The following RAPGEF4 variants were observed in gnomAD, a reference collection of about 807,000 sequenced individuals.
The protein encoded by RAPGEF4 is RAP guanine-nucleotide-exchange factor (GEF) 4.
In RAPGEF4, 66 loss-of-function variants were observed where a neutral mutation model predicts 147.9. The observed-to-expected ratio is 0.45, with a 90% confidence interval of 0.37 to 0.55. RAPGEF4 has a LOEUF of 0.55. Among genes scored for constraint, RAPGEF4 ranks in the 20% least tolerant of loss-of-function variants. RAPGEF4 has a pLI of 0.00. For synonymous variants in RAPGEF4, 419 were observed against 442.7 expected, an observed-to-expected ratio of 0.95 and a Z score of 0.67; for missense variants, 1,071 against 1,257.3, an observed-to-expected ratio of 0.85 and a Z score of 2.24.
chr2:172,937,037 C>CAAAAAAA (rs34104170), intron 6 of RAPGEF4, among the ~76,000 whole-genome samples: 7 of 52,582 alleles, frequency 1.3e-4, no homozygotes, highest in Admixed American at 3.4e-4. Flanking sequence ...CCTCTCTCTG[C>CAAAAAAA]AAAAAAAAAA....
chr2:172,787,939 A>T (rs1685388839), intron 1 of RAPGEF4, among the ~76,000 whole-genome samples: 2 of 152,266 alleles, frequency 1.3e-5, no homozygotes, highest in Middle Eastern at 3.4e-3. Context: ...ACGTTAGACT[A>T]GGTGGCTTAT....
At chr2:172,918,107 T>C (rs530479133) in intron 5 of RAPGEF4, 108 of 682,114 alleles carry the variant, frequency 1.6e-4, no homozygotes, top group Non-Finnish European at 2.6e-4. Flanking sequence ...AGCTGGAACT[T>C]TGGCATGCAT....
intron 4 of RAPGEF4, among the ~76,000 whole-genome samples, chr2:172,887,824 G>T (rs1697420090): frequency 6.6e-6 from 1 of 152,024 alleles, no homozygotes; most frequent in African/African-American, 2.4e-5. Context: ...TTCCTACTTA[G>T]AAACTTCTGC....
intron 4 of RAPGEF4, among the ~76,000 whole-genome samples, chr2:172,815,750 G>C (rs78360108): frequency 0.058 from 8,791 of 152,178 alleles, 338 homozygotes; most frequent in Non-Finnish European, 0.087. Flanking sequence ...TACTCAAATT[G>C]CTGAGAGAGG....
chr2:173,030,170 G>A lies in RAPGEF4; in HGVS notation c.2565G>A (p.Lys855=), dbSNP rs369654300. 112 of 1,609,244 alleles carry A rather than the reference G, an allele frequency of 7.0e-5. No individual in the cohort carries two copies. Among genetic ancestry groups the A allele is most frequent in the African/African-American group, 4.7e-4 (35 of 74,814 alleles). Residue 855 remains lysine (K), a synonymous_variant, in exon 26 of 31, where the codon AAG becomes AAA. Transcript: ENST00000397081. Reference sequence around the variant, plus strand: ...CGCATCTCCTGTGTTTCAGCTGTAAGGAGTATAAAAATCTGAATTCCTTTT... The same window carrying A: ...CGCATCTCCTGTGTTTCAGCTGTAAAGAGTATAAAAATCTGAATTCCTTTT... The part of the protein sequence containing the change: ...KKFIKIAAHC[K]EYKNLNSFFA...
At chr2:172,923,241 A>G (rs1471781478) in intron 6 of RAPGEF4, among the ~76,000 whole-genome samples, 2 of 152,092 alleles carry the variant, frequency 1.3e-5, no homozygotes, top group Admixed American at 1.3e-4. Flanking sequence ...CTGCTATAGG[A>G]CTACAAACTT....
chr2:172,813,696 A>G (rs1688234056), intron 3 of RAPGEF4, among the ~76,000 whole-genome samples: 1 of 151,974 alleles, frequency 6.6e-6, no homozygotes, highest in Non-Finnish European at 1.5e-5. Context: ...AAAAAAAAAA[A>G]CTGAGCTCAG....
At chr2:172,751,798 C>A (rs1695318121) in intron 1 of RAPGEF4, among the ~76,000 whole-genome samples, 1 of 152,150 alleles carries the variant, frequency 6.6e-6, no homozygotes, top group African/African-American at 2.4e-5. Context: ...TGAATCAATG[C>A]GGCACTGCCC....
intron 4 of RAPGEF4, among the ~76,000 whole-genome samples, chr2:172,843,108 G>A (rs1381923634): frequency 6.6e-6 from 1 of 152,144 alleles, no homozygotes; most frequent in Non-Finnish European, 1.5e-5. Flanking sequence ...GATCGTTGGA[G>A]GTGGTGTCAT....
At chr2:172,761,038 A>C (rs1696268439) in intron 1 of RAPGEF4, among the ~76,000 whole-genome samples, 2 of 151,884 alleles carry the variant, frequency 1.3e-5, no homozygotes. Context: ...AAAAACAATG[A>C]GAATGACAGG....
At chr2:172,826,376 T>G (rs1455561422) in intron 4 of RAPGEF4, among the ~76,000 whole-genome samples, 1 of 152,248 alleles carries the variant, frequency 6.6e-6, no homozygotes, top group Admixed American at 6.5e-5. Flanking sequence ...TGAAACAGTT[T>G]TTCATTTTTA....
At chr2:172,988,062 T>G (rs1330126470) in intron 12 of RAPGEF4, 134 bp from the exon 13 acceptor site, 3 of 1,320,240 alleles carry the variant, frequency 2.3e-6, no homozygotes, top group Non-Finnish European at 2.9e-6. Context: ...AACAAGTTAA[T>G]ATTTGCCAGT....
chr2:172,831,027 CCTCTT>C (rs1387524670), intron 4 of RAPGEF4, among the ~76,000 whole-genome samples: 3 of 151,990 alleles, frequency 2.0e-5, no homozygotes, highest in African/African-American at 4.8e-5. Flanking sequence ...ACATTTGACT[CCTCTT>C]CTCAACCTCC....
chr2:172,828,328 A>T (rs1380848691), intron 4 of RAPGEF4, among the ~76,000 whole-genome samples: 1 of 152,182 alleles, frequency 6.6e-6, no homozygotes, highest in Non-Finnish European at 1.5e-5. Flanking sequence ...AGACCCAGGC[A>T]AAGTATACAA....
intron 4 of RAPGEF4, among the ~76,000 whole-genome samples, chr2:172,841,675 C>G (rs1691611111): frequency 6.6e-6 from 1 of 152,034 alleles, no homozygotes. Context: ...TGAGTAATTA[C>G]AAGATTATAG....
chr2:172,990,820 C>T lies in RAPGEF4; in HGVS notation c.1385C>T (p.Ala462Val), dbSNP rs1232697175. ...AATTTGTATTTGCAGGACGTGGAGG[C>T]GAATACAGTCAGACTTAAAGAACAT... ...DFNRILRDVE[A>V]NTVRLKEHDQ... The change falls in exon 15 of 31, where the codon GCG (alanine) becomes GTG (valine). Residue 462 changes from alanine (A) to valine (V), a missense_variant. Ala to Val is a moderately conservative substitution (Grantham distance 64). Transcript: ENST00000397081. 1.3e-5 allele frequency: 21 copies of T among 1,613,182 alleles called. No homozygotes were observed. The highest frequency in any genetic ancestry group is 1.7e-5 in the Admixed American group (1 of 59,950).
intron 4 of RAPGEF4, among the ~76,000 whole-genome samples, chr2:172,826,482 G>A (rs1393400556): frequency 1.3e-5 from 2 of 152,166 alleles, no homozygotes; most frequent in African/African-American, 2.4e-5. Flanking sequence ...ATTGCCAAAT[G>A]CAAATATTCT....
In RAPGEF4 at chr2:172,996,498, T is replaced by A. The variant is rs755235277; in HGVS notation, c.1523T>A (p.Ile508Asn). 1 of 1,582,546 alleles carries A rather than the reference T, an allele frequency of 6.3e-7. No individual in the cohort carries two copies. Among genetic ancestry groups the A allele is most frequent in the Non-Finnish European group, 8.6e-7 (1 of 1,169,576 alleles). The change falls in exon 16 of 31, where the codon ATT (isoleucine) becomes AAT (asparagine). Residue 508 changes from isoleucine (I) to asparagine (N), a missense_variant. Physicochemically the swap from Ile to Asn is moderately radical, Grantham distance 149 (BLOSUM62 -3). Coordinates refer to ENST00000397081, the MANE Select transcript of RAPGEF4 (RefSeq NM_007023.4). ...YTVMSGTPEKILEHFLETIRL... is the reference protein window; with the variant it reads ...YTVMSGTPEKNLEHFLETIRL... ...GTGATGTCAGGAACACCTGAAAAAA[T>A]TTTAGAGCATTTTCTAGAAACAATA...
At position 172,877,732 on chromosome 2, in the gene RAPGEF4, G is replaced by A. The variant is rs557088116; in HGVS notation, c.445-40070G>A. Among the ~76,000 whole-genome samples the A allele has an allele frequency of 6.5e-4, 99 of 152,226 alleles. 2 individuals are homozygous for A. In the South Asian group the frequency reaches 0.011, roughly 17 times the overall value. ...GCCCTTGCTGCCTGTATTCTGGAAA[G>A]CACCCAGCCAAGTGCTGGCCTGAAG... On this transcript the variant is annotated intron_variant, in intron 4 of 30. Coordinates refer to ENST00000397081, the MANE Select transcript of RAPGEF4 (RefSeq NM_007023.4).
Sources: allele counts gnomAD v4.1 joint callset (sites outside exome capture counted in the v4.1 genomes callset), GRCh38; gene constraint gnomAD v4.1.1; transcripts MANE v1.5; gene names NCBI Gene and HGNC (gene_info 2026-07-23, HGNC 2026-07-21).